The following RNF135 variants were observed in gnomAD, a reference collection of about 807,000 sequenced individuals.
The protein encoded by RNF135 is E3 ubiquitin-protein ligase RNF135.
Under a neutral mutation model 41.9 loss-of-function variants are expected in RNF135, and 46 were observed. The ratio of observed to expected loss-of-function variants is 1.10; its 90% CI spans 0.87 to 1.40. RNF135 has a LOEUF of 1.40. Ranked by LOEUF, RNF135 falls within the 40% of genes most tolerant of loss-of-function variation. The pLI, the probability that RNF135 is intolerant of heterozygous loss-of-function variation, is 0.00. For missense variants in RNF135, 539 were observed against 549.8 expected (o/e 0.98, Z 0.20); for synonymous variants, 238 against 223.8 (o/e 1.06, Z -0.57).
intron 3 of RNF135, among the ~76,000 whole-genome samples, chr17:30,988,656 G>C (rs948249648): frequency 6.6e-6 from 1 of 151,506 alleles, no homozygotes; most frequent in South Asian, 2.1e-4. Context: ...TCAATCTCCT[G>C]ACCTTGTGAT....
chr17:30,960,604 A>G, the RNF135 span, among the ~76,000 whole-genome samples: 6 of 152,004 alleles, frequency 3.9e-5, no homozygotes, highest in Admixed American at 3.9e-4. Flanking sequence ...CCTTGTAGCC[A>G]CACCCTTCCC....
intron 1 of RNF135, among the ~76,000 whole-genome samples, chr17:30,977,651 G>C (rs925623767): frequency 6.0e-5 from 9 of 151,194 alleles, no homozygotes; most frequent in Non-Finnish European, 1.0e-4. Flanking sequence ...TGGGATTACA[G>C]GCCACCTCCT....
At chr17:30,983,354 T>TATATATATATATATATATATATATA (rs1491179041) in intron 1 of RNF135, among the ~76,000 whole-genome samples, 1 of 25,674 alleles carries the variant, frequency 3.9e-5, no homozygotes, top group Non-Finnish European at 8.3e-5. Context: ...TATATATATA[T>TATATATATATATATATATATATATA]TTTTTTTTTT....
At chr17:30,973,196 A>G (rs1329937206) in intron 1 of RNF135, 1 of 152,186 alleles carries the variant, frequency 6.6e-6, no homozygotes, top group Admixed American at 6.5e-5. Context: ...TGACCATTTT[A>G]AAATTGGGTT....
At position 30,971,457 on chromosome 17, in the gene RNF135, G is replaced by C; in HGVS notation, c.372+12G>C. 1.3e-6 allele frequency: 2 copies of C among 1,491,022 alleles called. No individual in the cohort carries two copies. Among genetic ancestry groups the C allele is most frequent in the Non-Finnish European group, 1.8e-6 (2 of 1,129,588 alleles). 92.4% of individuals were successfully genotyped at this position (1,491,022 alleles called of 1,614,324 possible). A position where few individuals can be genotyped will look rare whatever the true frequency, so the allele number is the denominator to read the frequency against. On this transcript the variant is annotated intron_variant, in intron 1 of 4. Transcript: ENST00000328381. ...CGGAACTGCAGCGGGTAGGGAGGCC[G>C]GGCCCGCAGCTCCCCTGGCTCCCCC... is the stretch of plus-strand genomic sequence containing the variant.
intron 2 of RNF135, 64 bp downstream of exon 2, chr17:30,984,824 G>C: frequency 6.7e-7 from 1 of 1,501,904 alleles, no homozygotes; most frequent in Non-Finnish European, 9.3e-7. Flanking sequence ...CTTTCAACTG[G>C]AACAACATGA....
At chr17:30,991,101 A>G (rs2142723709) in intron 3 of RNF135, among the ~76,000 whole-genome samples, 1 of 152,310 alleles carries the variant, frequency 6.6e-6, no homozygotes, top group South Asian at 2.1e-4. Flanking sequence ...GGGTTATACC[A>G]GTCTTCACTC....
At chr17:30,969,759 C>CTTTTTTTTTTTTTTTTTTTTT (rs757330088), upstream of RNF135, among the ~76,000 whole-genome samples, 9 of 122,610 alleles carry the variant, frequency 7.3e-5, no homozygotes, top group South Asian at 5.5e-4. Context: ...TCTTTTTTTT[C>CTTTTTTTTTTTTTTTTTTTTT]TTTTTTTTTT....
At chr17:30,992,767 A>T (rs1370584815) in intron 3 of RNF135, among the ~76,000 whole-genome samples, 3 of 151,832 alleles carry the variant, frequency 2.0e-5, no homozygotes, top group African/African-American at 7.3e-5. Context: ...ACACTCAGTT[A>T]ATTTTTTGTT....
the RNF135 span, among the ~76,000 whole-genome samples, chr17:30,964,249 C>T: frequency 3.3e-5 from 5 of 151,698 alleles, no homozygotes; most frequent in Admixed American, 6.6e-5. Flanking sequence ...ATTAGCTGGG[C>T]GTGGTGGTAT....
At chr17:30,982,254 C>T (rs528287235) in intron 1 of RNF135, among the ~76,000 whole-genome samples, 1 of 152,338 alleles carries the variant, frequency 6.6e-6, no homozygotes, top group African/African-American at 2.4e-5. Flanking sequence ...CAGAGCACTT[C>T]AGCCCACAGT....
chr17:30,968,373 C>CCTTT (rs1449562758), upstream of RNF135, among the ~76,000 whole-genome samples: 1 of 151,156 alleles, frequency 6.6e-6, no homozygotes, highest in Admixed American at 6.6e-5. Flanking sequence ...CCCCCTTCCC[C>CCTTT]CTTTCTTTCT....
chr17:30,979,678 C>T (rs1295573214), intron 1 of RNF135, among the ~76,000 whole-genome samples: 2 of 141,902 alleles, frequency 1.4e-5, no homozygotes, highest in Admixed American at 6.8e-5. Context: ...CCCCCACCTC[C>T]CTCCCGGACG....
intron 1 of RNF135, among the ~76,000 whole-genome samples, chr17:30,977,921 C>A (rs1221435354): frequency 1.3e-5 from 2 of 152,174 alleles, no homozygotes; most frequent in African/African-American, 4.8e-5. Flanking sequence ...TAGGACAGGT[C>A]TGGTGTTGAT....
chr17:30,993,905 G>A (rs745574425), intron 3 of RNF135: 1 of 627,672 alleles, frequency 1.6e-6, no homozygotes, highest in Non-Finnish European at 2.8e-6. Context: ...TCAGGCTCAG[G>A]TGATCTTCCT....
At chr17:30,961,059 T>C in the RNF135 span, among the ~76,000 whole-genome samples, 1 of 152,178 alleles carries the variant, frequency 6.6e-6, no homozygotes, top group South Asian at 2.1e-4. Flanking sequence ...AAAGACTGGA[T>C]TCTTTCACAG....
Position 30,971,148 on chromosome 17 carries a change from G to C in RNF135, c.75G>C (p.Gln25His). ...AEDDLGCIIC[Q>H]GLLDWPATLP... is the part of the protein sequence containing the mutation. The stretch of plus-strand genomic sequence containing the variant: ...ACGACCTCGGCTGCATCATCTGCCA[G>C]GGGCTGCTGGACTGGCCCGCCACGC... The change falls in exon 1 of 5, where the codon CAG becomes CAC. Residue 25 changes from glutamine to histidine, a missense_variant. Gln to His is a conservative substitution (Grantham distance 24). This residue lies in a region of RNF135 where 277 missense variants were observed against 212.8 expected (regional missense o/e 1.30). Coordinates refer to ENST00000328381, the MANE Select transcript of RNF135 (RefSeq NM_032322.4). The C allele has an allele frequency of 6.5e-7, 1 of 1,533,910 alleles. No homozygotes were observed.
Position 30,982,954 on chromosome 17 carries a change from C to G in RNF135, c.373-1663C>G, listed in dbSNP as rs529672776. Among the ~76,000 whole-genome samples the G allele has an allele frequency of 2.0e-4, 30 of 152,220 alleles. No homozygotes were observed. In the East Asian group the frequency reaches 5.2e-3, roughly 26 times the overall value. Reference sequence around the variant, plus strand: ...CCCCCAGCCTCTGGCAACCATCATTCTAATTTCTGTCTCTGATTTTGACTA... The same window carrying G: ...CCCCCAGCCTCTGGCAACCATCATTGTAATTTCTGTCTCTGATTTTGACTA... On this transcript the variant is annotated intron_variant, in intron 1 of 4. Coordinates refer to ENST00000328381, the MANE Select transcript of RNF135 (RefSeq NM_032322.4).
chr17:30,970,697 G>A (rs1001845851), upstream of RNF135: 1 of 285,544 alleles, frequency 3.5e-6, no homozygotes, highest in Non-Finnish European at 6.6e-6. Flanking sequence ...AGTTGTCGGT[G>A]TTGCATCTTT....
Sources: allele counts gnomAD v4.1 joint callset (sites outside exome capture counted in the v4.1 genomes callset), GRCh38; gene constraint gnomAD v4.1.1; regional missense constraint gnomAD v4.1.1; transcripts MANE v1.5; gene names NCBI Gene and HGNC (gene_info 2026-07-23, HGNC 2026-07-21).